The following PDE7B variants were observed in gnomAD, a reference collection of about 807,000 sequenced individuals.
PDE7B encodes the protein phosphodiesterase 7B, also known as 3',5'-cyclic-AMP phosphodiesterase 7B.
In PDE7B, 29 loss-of-function variants were observed where a neutral mutation model predicts 56.2. The ratio of observed to expected loss-of-function variants is 0.52; its 90% CI spans 0.38 to 0.70. The LOEUF (loss-of-function observed/expected upper bound fraction) is 0.70. Ranked by LOEUF, PDE7B falls within the 30% of genes least tolerant of loss-of-function variation. PDE7B has a pLI of 0.00. For synonymous variants in PDE7B, 197 were observed against 196.9 expected, an observed-to-expected ratio of 1.00 and a Z score of 0.00; for missense variants, 490 against 565.0, an observed-to-expected ratio of 0.87 and a Z score of 1.35.
rs137980872 is a variant in PDE7B, at chr6:135,910,435, C to A, written c.22-37029C>A. Among the ~76,000 whole-genome samples, 464 of 152,222 alleles carry A rather than the reference C, an allele frequency of 3.0e-3. 3 individuals carry two copies. Among genetic ancestry groups the A allele is most frequent in the African/African-American group, 0.011 (442 of 41,536 alleles). On this transcript the variant is annotated intron_variant, in intron 1 of 12. Transcript: ENST00000308191. The stretch of plus-strand genomic sequence containing the variant: ...TTTGTTTTTCACTTTTAAAGACTTT[C>A]TTTTTTACAGAAGTTTTAGGTTCAC...
At chr6:136,077,137 G>A (rs1246526248) in intron 2 of PDE7B, among the ~76,000 whole-genome samples, 1 of 152,030 alleles carries the variant, frequency 6.6e-6, no homozygotes, top group African/African-American at 2.4e-5. Context: ...GGAAGAGAGA[G>A]CATCTAGCAC....
At chr6:135,904,825 A>G (rs969110380) in intron 1 of PDE7B, among the ~76,000 whole-genome samples, 3 of 152,200 alleles carry the variant, frequency 2.0e-5, no homozygotes, top group Non-Finnish European at 4.4e-5. Flanking sequence ...GTAACACAAG[A>G]TATGACTCAC....
At chr6:135,984,975 A>G (rs1775352360) in intron 2 of PDE7B, among the ~76,000 whole-genome samples, 1 of 152,136 alleles carries the variant, frequency 6.6e-6, no homozygotes, top group Non-Finnish European at 1.5e-5. Context: ...CAAAGGCTAC[A>G]TGGGAGAGAG....
At position 136,062,745 on chromosome 6, in the gene PDE7B, C is replaced by T. The variant is rs138187028; in HGVS notation, c.83-45986C>T. ...TCCTTTCCAGCTCCAATGCCCAGTTCGCCTGTGACCTGACCTAAAAGACCA... is the reference window on the plus strand; with the variant it reads ...TCCTTTCCAGCTCCAATGCCCAGTTTGCCTGTGACCTGACCTAAAAGACCA... On this transcript the variant is annotated intron_variant, in intron 2 of 12. Transcript: ENST00000308191. 9.4e-3 allele frequency among the ~76,000 whole-genome samples: 1,424 copies of T among 152,278 alleles called. 29 individuals are homozygous for T. Among genetic ancestry groups the T allele is most frequent in the African/African-American group, 0.031 (1,289 of 41,542 alleles).
chr6:135,885,015 G>C (rs1430370354), intron 1 of PDE7B, among the ~76,000 whole-genome samples: 2 of 152,118 alleles, frequency 1.3e-5, no homozygotes. Context: ...AAGCCAGGGG[G>C]ATTTCCATGC....
chr6:135,869,590 T>A (rs1775334337), intron 1 of PDE7B, among the ~76,000 whole-genome samples: 1 of 152,190 alleles, frequency 6.6e-6, no homozygotes, highest in Non-Finnish European at 1.5e-5. Flanking sequence ...CAGTCAGAGA[T>A]GACTGACAGT....
chr6:135,974,817 G>T (rs896871734), intron 2 of PDE7B, among the ~76,000 whole-genome samples: 2 of 152,140 alleles, frequency 1.3e-5, no homozygotes, highest in African/African-American at 4.8e-5. Flanking sequence ...TGATCCAAAG[G>T]TTCAAAATCG....
intron 2 of PDE7B, among the ~76,000 whole-genome samples, chr6:135,976,555 T>C (rs993049458): frequency 1.3e-5 from 2 of 152,152 alleles, no homozygotes; most frequent in African/African-American, 4.8e-5. Context: ...TCTTTAGAAT[T>C]CATTTGTTAT....
chr6:136,184,025 A>G (rs994013407), intron 11 of PDE7B, among the ~76,000 whole-genome samples: 27 of 152,336 alleles, frequency 1.8e-4, no homozygotes, highest in Admixed American at 4.6e-4. Context: ...CTACAGATTG[A>G]TATCATCTCA....
chr6:135,949,493 T>C (rs1774658797), intron 2 of PDE7B, among the ~76,000 whole-genome samples: 1 of 152,084 alleles, frequency 6.6e-6, no homozygotes, highest in African/African-American at 2.4e-5. Flanking sequence ...GAAATGCATT[T>C]ATATAAATCA....
chr6:135,869,958 G>A (rs1016717479), intron 1 of PDE7B, among the ~76,000 whole-genome samples: 9 of 152,340 alleles, frequency 5.9e-5, no homozygotes, highest in East Asian at 1.9e-4. Context: ...TTCACAGGGC[G>A]TGGTGGAAAT....
At chr6:135,942,309 T>C (rs956428714) in intron 1 of PDE7B, among the ~76,000 whole-genome samples, 12 of 151,674 alleles carry the variant, frequency 7.9e-5, no homozygotes, top group African/African-American at 2.9e-4. Flanking sequence ...ATTATATTAT[T>C]TTAATTTAAA....
Position 135,852,046 on chromosome 6 carries a change from G to T in PDE7B, c.21+27G>T, listed in dbSNP as rs1345465144. The T allele has an allele frequency of 1.9e-6, 3 of 1,562,010 alleles. No individual in the cohort carries two copies. The African/African-American group carries it at 4.1e-5, about 21-fold the overall frequency. On this transcript the variant is annotated intron_variant, in intron 1 of 12. Transcript: ENST00000308191. ...TATGTACAACAAATTTAAGCGGCAA[G>T]CTCAGTTTTCTTGAGAGAATAGAGT...
chr6:136,117,968 A>T (rs187307876), intron 3 of PDE7B, among the ~76,000 whole-genome samples: 71 of 152,276 alleles, frequency 4.7e-4, no homozygotes, highest in African/African-American at 1.7e-3. Flanking sequence ...AATCCTACTT[A>T]TACTGTGAGC....
intron 1 of PDE7B, among the ~76,000 whole-genome samples, chr6:135,909,254 G>C (rs1407466743): frequency 1.3e-5 from 2 of 152,176 alleles, no homozygotes; most frequent in African/African-American, 4.8e-5. Context: ...AGGGATCTCA[G>C]AGGTGTGGTG....
At chr6:135,894,045 T>C (rs988250580) in intron 1 of PDE7B, among the ~76,000 whole-genome samples, 38 of 152,180 alleles carry the variant, frequency 2.5e-4, no homozygotes, top group Non-Finnish European at 4.1e-4. Flanking sequence ...ACTAAGGTGA[T>C]AGGTGATGCC....
chr6:135,938,775 CGAG>C (rs753364734), intron 1 of PDE7B, among the ~76,000 whole-genome samples: 3 of 152,078 alleles, frequency 2.0e-5, no homozygotes, highest in Non-Finnish European at 4.4e-5. Context: ...TGCAGGGATA[CGAG>C]GAGATCTTAG....
intron 1 of PDE7B, among the ~76,000 whole-genome samples, chr6:135,874,272 A>G (rs1278172304): frequency 5.3e-5 from 8 of 152,072 alleles, no homozygotes; most frequent in Admixed American, 2.0e-4. Flanking sequence ...ATTAATTTCT[A>G]TCCTTGGTCT....
chr6:136,071,924 A>G (rs1729254482), intron 2 of PDE7B, among the ~76,000 whole-genome samples: 1 of 152,258 alleles, frequency 6.6e-6, no homozygotes, highest in Admixed American at 6.5e-5. Flanking sequence ...GGTTTCCATT[A>G]ACATTTTTTT....
Sources: gnomAD v4.1 joint callset for allele counts (sites outside exome capture counted in the v4.1 genomes callset) on GRCh38, gnomAD v4.1.1 for gene constraint, MANE v1.5 for transcripts, NCBI Gene and HGNC (gene_info 2026-07-23, HGNC 2026-07-21) for gene names.